The following AKR1C4 variants were observed in gnomAD, a reference collection of about 807,000 sequenced individuals.
The protein encoded by AKR1C4 is 3-alpha-HSD1.
Under a neutral mutation model 41.0 loss-of-function variants are expected in AKR1C4, and 44 were observed. The ratio of observed to expected loss-of-function variants is 1.07; its 90% confidence interval spans 0.84 to 1.38. The LOEUF (loss-of-function observed/expected upper bound fraction) is 1.38, where lower values mean the gene tolerates loss of function less well. Among genes scored for constraint, AKR1C4 ranks in the 40% most tolerant of loss-of-function variants. The pLI, the probability that AKR1C4 is intolerant of heterozygous loss-of-function variation, is 0.00. For missense variants in AKR1C4, 438 were observed against 387.9 expected, an observed-to-expected ratio of 1.13 and a Z score of -1.09; for synonymous variants, 165 against 137.7, an observed-to-expected ratio of 1.20 and a Z score of -1.39.
intron 5 of AKR1C4, chr10:5,207,613 G>T (rs1832509710): frequency 8.6e-7 from 1 of 1,162,934 alleles, no homozygotes; most frequent in African/African-American, 1.6e-5. Context: ...GTTAGCAATG[G>T]TTGAACTAAG....
At chr10:5,214,571 T>C (rs1832627021) in intron 7 of AKR1C4, among the ~76,000 whole-genome samples, 2 of 152,246 alleles carry the variant, frequency 1.3e-5, no homozygotes, top group Admixed American at 1.3e-4. Flanking sequence ...ATTTATGTGA[T>C]ATTTTAATAT....
intron 3 of AKR1C4, 70 bp downstream of exon 3, chr10:5,204,563 ACTT>A (rs1369829023): frequency 4.4e-5 from 52 of 1,192,896 alleles, no homozygotes; most frequent in South Asian, 9.7e-5. Flanking sequence ...GTTGAATTGA[ACTT>A]CTTCTAAGGA....
chr10:5,214,403 A>C (rs1281010263), intron 7 of AKR1C4, among the ~76,000 whole-genome samples: 1 of 152,210 alleles, frequency 6.6e-6, no homozygotes, highest in Non-Finnish European at 1.5e-5. Context: ...GCTAGTCCTG[A>C]ATGAGTGTTC....
Position 5,206,292 on chromosome 10 carries a change from G to A in AKR1C4, c.465G>A (p.Lys155=), listed in dbSNP as rs782015173. 18 of 1,613,946 alleles carry A rather than the reference G, an allele frequency of 1.1e-5. 1 individual carries two copies. The South Asian group carries it at 2.0e-4, about 18-fold the overall frequency. Residue 155 remains lysine, a synonymous_variant, in exon 5 of 9, where the codon AAG becomes AAA. Transcript: ENST00000263126. The part of the protein sequence containing the change: ...SATWEVMEKC[K]DAGLAKSIGV... ...CTCCCCAGGTCATGGAGAAGTGTAAGGATGCAGGATTGGCCAAGTCCATCG... is the reference window on the plus strand; with the variant it reads ...CTCCCCAGGTCATGGAGAAGTGTAAAGATGCAGGATTGGCCAAGTCCATCG...
At chr10:5,218,634 C>A (rs2132144662) in intron 8 of AKR1C4, 84 bp from the exon 9 acceptor site, 1 of 1,039,682 alleles carries the variant, frequency 9.6e-7, no homozygotes, top group Non-Finnish European at 1.5e-6. Flanking sequence ...ACACTAATGG[C>A]AGCTTCATAT....
intron 8 of AKR1C4, among the ~76,000 whole-genome samples, chr10:5,217,222 T>C (rs1554798607): frequency 6.6e-6 from 1 of 152,268 alleles, no homozygotes; most frequent in African/African-American, 2.4e-5. Context: ...ACAACACTGG[T>C]GTCCATGCCA....
chr10:5,215,841 T>C (rs1832648410), intron 7 of AKR1C4, among the ~76,000 whole-genome samples: 1 of 152,208 alleles, frequency 6.6e-6, no homozygotes, highest in African/African-American at 2.4e-5. Flanking sequence ...CTACCCCTTA[T>C]CTTCCCATTT....
chr10:5,200,095 AC>A, intron 1 of AKR1C4, 85 bp from the exon 2 acceptor site: 1 of 1,526,330 alleles, frequency 6.6e-7, no homozygotes, highest in South Asian at 1.3e-5. Context: ...CCCACTGCAC[AC>A]CCTGTGAGGA....
At position 5,218,737 on chromosome 10, in the gene AKR1C4, T is replaced by G; in HGVS notation, c.949T>G (p.Tyr317Asp). 1.9e-6 allele frequency: 3 copies of G among 1,604,156 alleles called. No individual in the cohort carries two copies. The highest frequency in any genetic ancestry group is 2.2e-5 in the East Asian group (1 of 44,794). Residue 317 changes from tyrosine to aspartate, a missense_variant, in exon 9 of 9, where the codon TAT becomes GAT. Physicochemically the swap from Tyr to Asp is radical, Grantham distance 160. Transcript: ENST00000263126. Reference sequence around the variant, plus strand: ...TTTCAGTCTTATGGACCATCCTGATTATCCATTTTCAGATGAATATTAGCA... The same window carrying G: ...TTTCAGTCTTATGGACCATCCTGATGATCCATTTTCAGATGAATATTAGCA... ...VMDFLMDHPDYPFSDEY is the reference protein window; with the variant it reads ...VMDFLMDHPDDPFSDEY
chr10:5,213,220 TA>T, intron 7 of AKR1C4, 61 bp downstream of exon 7: 3 of 1,595,456 alleles, frequency 1.9e-6, no homozygotes, highest in Non-Finnish European at 2.6e-6. Context: ...GTGCTTCTTG[TA>T]AGGTTCTCAG....
intron 3 of AKR1C4, chr10:5,204,748 T>TGG: frequency 1.8e-6 from 1 of 563,844 alleles, no homozygotes; most frequent in Non-Finnish European, 3.3e-6. Flanking sequence ...CCTTCAAGGC[T>TGG]CTGTCTTAAT....
intron 5 of AKR1C4, among the ~76,000 whole-genome samples, chr10:5,209,876 C>CCCCT (rs1398292172): frequency 2.0e-5 from 3 of 152,256 alleles, no homozygotes; most frequent in South Asian, 2.1e-4. Context: ...CCACCCCTGG[C>CCCCT]CCCTCCCAAA....
At chr10:5,198,323 G>T (rs1021454244) in intron 1 of AKR1C4, among the ~76,000 whole-genome samples, 16 of 152,154 alleles carry the variant, frequency 1.1e-4, no homozygotes, top group Non-Finnish European at 2.2e-4. Flanking sequence ...ACCCGTAGAT[G>T]CGCCTGTTTT....
chr10:5,215,125 A>G (rs1243076993), intron 7 of AKR1C4, among the ~76,000 whole-genome samples: 2 of 152,230 alleles, frequency 1.3e-5, no homozygotes, highest in Non-Finnish European at 2.9e-5. Flanking sequence ...GATGAAATAA[A>G]GTTAAACTGG....
rs141695403 is a variant in AKR1C4 at position 5,218,823 on chromosome 10, G to GTC, written c.*67_*68dup. On this transcript the variant is annotated 3_prime_UTR_variant, in exon 9 of 9. Coordinates refer to ENST00000263126, the MANE Select transcript of AKR1C4 (RefSeq NM_001818.5). ...GTGTGTGGATGGTGATGCAGAGGAT[G>GTC]TCTCTATGCTGGTGACTGGACACAC... 2.7e-6 allele frequency: 4 copies of GTC among 1,498,432 alleles called. No homozygotes were observed. The highest frequency in any genetic ancestry group is 2.8e-6 in the Non-Finnish European group (3 of 1,075,904). 92.8% of individuals were successfully genotyped at this position (1,498,432 alleles called of 1,614,324 possible). A position where few individuals can be genotyped will look rare whatever the true frequency, so the allele number is the denominator to read the frequency against.
At chr10:5,207,845 C>T (rs1361045283) in intron 5 of AKR1C4, 1 of 259,170 alleles carries the variant, frequency 3.9e-6, no homozygotes, top group Non-Finnish European at 7.8e-6. Context: ...GTATGCCCTC[C>T]TGGGTGCTAT....
At chr10:5,210,552 C>A (rs936039602) in intron 5 of AKR1C4, among the ~76,000 whole-genome samples, 4 of 151,996 alleles carry the variant, frequency 2.6e-5, no homozygotes, top group African/African-American at 7.3e-5. Flanking sequence ...GACATTCAGG[C>A]GTTTCTATAC....
In AKR1C4 at chr10:5,206,644, AAGG is replaced by A. The variant is rs138191057; in HGVS notation, c.570+252_570+254del. Among the ~76,000 whole-genome samples, 73 of 152,286 alleles carry A rather than the reference AAGG, an allele frequency of 4.8e-4. 1 individual carries two copies. The highest frequency in any genetic ancestry group is 1.7e-3 in the African/African-American group (71 of 41,554). On this transcript the variant is annotated intron_variant, in intron 5 of 8. Transcript: ENST00000263126. ...ATTTTTGGGGGAGGTGAATTTCATC[AAGG>A]AGGACTGAAATGGTTAATCAGAACT...
intron 3 of AKR1C4, 102 bp downstream of exon 3, chr10:5,204,595 A>G: frequency 1.1e-6 from 1 of 926,188 alleles, no homozygotes; most frequent in Non-Finnish European, 1.8e-6. Flanking sequence ...GTGTTATTAC[A>G]TGGCAGAAGA....
Sources: allele counts gnomAD v4.1 joint callset (sites outside exome capture counted in the v4.1 genomes callset), GRCh38; gene constraint gnomAD v4.1.1; transcripts MANE v1.5; gene names NCBI Gene and HGNC (gene_info 2026-07-23, HGNC 2026-07-21).